CCDC171: variants seen among roughly 807,000 people sequenced by gnomAD.
The protein encoded by CCDC171 is coiled-coil domain containing 171.
In CCDC171, 177 loss-of-function variants were observed where a neutral mutation model predicts 168.2. That is an observed-to-expected ratio of 1.05 (90% CI 0.93 to 1.19). CCDC171 has a LOEUF of 1.19. Among genes scored for constraint, CCDC171 ranks in the 50% most tolerant of loss-of-function variants. CCDC171 has a pLI of 0.00. For synonymous variants in CCDC171, 687 were observed against 540.8 expected, an observed-to-expected ratio of 1.27 and a Z score of -3.75; for missense variants, 1,991 against 1,539.0, an observed-to-expected ratio of 1.29 and a Z score of -4.91.
At chr9:15,937,799 G>T (rs1233351237) in intron 25 of CCDC171, among the ~76,000 whole-genome samples, 1 of 151,900 alleles carries the variant, frequency 6.6e-6, no homozygotes, top group Non-Finnish European at 1.5e-5. Flanking sequence ...GATGTGGGTG[G>T]TCAAGGCACA....
At chr9:15,794,000 A>G (rs1050632419) in intron 21 of CCDC171, among the ~76,000 whole-genome samples, 3 of 133,482 alleles carry the variant, frequency 2.2e-5, no homozygotes, top group South Asian at 5.6e-4. Flanking sequence ...GCTTTACTGT[A>G]CTGGCTAGGA....
chr9:15,562,101 TCTC>T (rs1466415936), intron 1 of CCDC171, among the ~76,000 whole-genome samples: 1 of 152,016 alleles, frequency 6.6e-6, no homozygotes, highest in Non-Finnish European at 1.5e-5. Flanking sequence ...TTCAAGCGAT[TCTC>T]CTATCTCAAC....
At chr9:15,598,597 G>A (rs2042571200) in intron 6 of CCDC171, among the ~76,000 whole-genome samples, 1 of 152,162 alleles carries the variant, frequency 6.6e-6, no homozygotes. Flanking sequence ...AATAGGTGTG[G>A]TGTGGTGCTG....
chr9:15,775,037 C>T (rs139178276), intron 18 of CCDC171, among the ~76,000 whole-genome samples: 38 of 152,206 alleles, frequency 2.5e-4, no homozygotes, highest in African/African-American at 8.2e-4. Context: ...ACCAGAATTT[C>T]GGAAATCACC....
chr9:15,574,441 C>T (rs1397863125), intron 3 of CCDC171, among the ~76,000 whole-genome samples: 3 of 151,900 alleles, frequency 2.0e-5, no homozygotes, highest in East Asian at 1.9e-4. Context: ...CCGCGCCTGG[C>T]CAAATTTTTG....
chr9:15,633,604 A>T (rs1308693829), intron 7 of CCDC171, among the ~76,000 whole-genome samples: 4 of 152,248 alleles, frequency 2.6e-5, no homozygotes, highest in Non-Finnish European at 2.9e-5. Context: ...ACCCTTGTGG[A>T]AGTCAGTGTG....
At chr9:16,107,337 A>G in the CCDC171 span, among the ~76,000 whole-genome samples, 1 of 152,178 alleles carries the variant, frequency 6.6e-6, no homozygotes, top group Admixed American at 6.5e-5. Flanking sequence ...CGAATACCCA[A>G]ATATACTCTA....
chr9:15,850,703 A>G (rs1044945669), intron 23 of CCDC171, among the ~76,000 whole-genome samples: 16 of 151,958 alleles, frequency 1.1e-4, no homozygotes, highest in Admixed American at 6.6e-4. Context: ...GGTGGCCCAG[A>G]GAGTCCTCTG....
intron 21 of CCDC171, among the ~76,000 whole-genome samples, chr9:15,815,866 C>G (rs1200674024): frequency 8.6e-6 from 1 of 116,568 alleles, no homozygotes; most frequent in Non-Finnish European, 1.9e-5. Context: ...CTGACTTATA[C>G]CATTGAGACC....
At chr9:16,071,388 C>T in the CCDC171 span, among the ~76,000 whole-genome samples, 1 of 152,188 alleles carries the variant, frequency 6.6e-6, no homozygotes, top group Non-Finnish European at 1.5e-5. Context: ...TGATCTGTGT[C>T]TTCCCCCTAA....
At chr9:15,781,827 A>G (rs2057683859) in intron 20 of CCDC171, among the ~76,000 whole-genome samples, 1 of 152,314 alleles carries the variant, frequency 6.6e-6, no homozygotes, top group African/African-American at 2.4e-5. Context: ...AGCACGTTAC[A>G]GACGTTGACT....
At chr9:16,085,614 G>A in the CCDC171 span, among the ~76,000 whole-genome samples, 1 of 152,224 alleles carries the variant, frequency 6.6e-6, no homozygotes, top group African/African-American at 2.4e-5. Context: ...CAGCTACACT[G>A]GGAAGATTTC....
chr9:15,671,737 T>G (rs2049128105), intron 9 of CCDC171, among the ~76,000 whole-genome samples: 2 of 152,190 alleles, frequency 1.3e-5, no homozygotes, highest in Admixed American at 6.5e-5. Flanking sequence ...ATGTGCCACA[T>G]TTTCTTAACC....
chr9:16,080,648 G>A, the CCDC171 span, among the ~76,000 whole-genome samples: 1 of 152,100 alleles, frequency 6.6e-6, no homozygotes, highest in African/African-American at 2.4e-5. Flanking sequence ...TATGAGAAGT[G>A]TTCTCCAGCC....
intron 6 of CCDC171, among the ~76,000 whole-genome samples, chr9:15,619,203 G>A (rs1336260997): frequency 1.5e-4 from 23 of 152,156 alleles, no homozygotes; most frequent in Admixed American, 1.4e-3. Context: ...TCAAGTGAAA[G>A]GAAGGCTCAC....
At chr9:15,696,448 C>T (rs1218024383) in intron 11 of CCDC171, among the ~76,000 whole-genome samples, 1 of 152,166 alleles carries the variant, frequency 6.6e-6, no homozygotes, top group African/African-American at 2.4e-5. Context: ...GTATCATAAT[C>T]ATAATTTGTT....
At chr9:16,040,335 G>A (rs1475836618), upstream of CCDC171, among the ~76,000 whole-genome samples, 1 of 152,184 alleles carries the variant, frequency 6.6e-6, no homozygotes, top group African/African-American at 2.4e-5. Flanking sequence ...TTGATGGACT[G>A]TCATCTAGAA....
intron 24 of CCDC171, among the ~76,000 whole-genome samples, chr9:15,914,259 C>G (rs1204998240): frequency 1.3e-5 from 2 of 152,168 alleles, no homozygotes; most frequent in African/African-American, 2.4e-5. Context: ...CCCCCCTTCC[C>G]CCAGGTACTC....
intron 1 of CCDC171, among the ~76,000 whole-genome samples, chr9:15,563,508 T>C (rs2039482486): frequency 6.6e-6 from 1 of 152,326 alleles, no homozygotes; most frequent in East Asian, 1.9e-4. Flanking sequence ...TGCAGTGTTG[T>C]AAGGATCACA....
Sources: allele counts gnomAD v4.1 joint callset (sites outside exome capture counted in the v4.1 genomes callset), GRCh38; gene constraint gnomAD v4.1.1; transcripts MANE v1.5; gene names NCBI Gene and HGNC (gene_info 2026-07-23, HGNC 2026-07-21).